Variants in TOX2 observed in about 807,000 individuals in gnomAD.
TOX2 encodes granulosa cell HMG box 1.
In TOX2, 15 loss-of-function variants were observed where a neutral mutation model predicts 47.4. That is an observed-to-expected ratio of 0.32 (90% CI 0.21 to 0.49). The LOEUF (loss-of-function observed/expected upper bound fraction) is 0.49, where lower values mean the gene tolerates loss of function less well. TOX2 is among the 20% of genes least tolerant of loss of function. TOX2 has a pLI of 0.99. For synonymous variants in TOX2, 290 were observed against 296.6 expected, an observed-to-expected ratio of 0.98 and a Z score of 0.23; for missense variants, 622 against 673.1, an observed-to-expected ratio of 0.92 and a Z score of 0.84.
At chr20:43,983,926 C>T (rs2070214913) in intron 2 of TOX2, among the ~76,000 whole-genome samples, 1 of 152,220 alleles carries the variant, frequency 6.6e-6, no homozygotes, top group African/African-American at 2.4e-5. Flanking sequence ...GTATTGGAGG[C>T]AGGCGACCCT....
intron 1 of TOX2, among the ~76,000 whole-genome samples, chr20:43,964,070 GA>G (rs1355231619): frequency 6.6e-6 from 1 of 150,620 alleles, no homozygotes; most frequent in African/African-American, 2.4e-5. Context: ...TTGCAGATGA[GA>G]AAACTGAGAC....
At position 43,915,058 on chromosome 20, in the gene TOX2, C is replaced by A; in HGVS notation, c.99+68C>A. 3.0e-6 allele frequency: 3 copies of A among 998,014 alleles called. No individual in the cohort carries two copies. Among genetic ancestry groups the A allele is most frequent in the Non-Finnish European group, 3.8e-6 (3 of 798,150 alleles). 61.8% of individuals were successfully genotyped at this position (998,014 alleles called of 1,614,324 possible). A position where few individuals can be genotyped will look rare whatever the true frequency, so the allele number is the denominator to read the frequency against. Reference sequence around the variant, plus strand: ...GTCACCTGGCAGCTCGGGACTCAGGCGCTCCCGGGGTCACACGGGGCCGCG... The same window carrying A: ...GTCACCTGGCAGCTCGGGACTCAGGAGCTCCCGGGGTCACACGGGGCCGCG... On this transcript the variant is annotated intron_variant, in intron 1 of 8. Transcript: ENST00000341197. The surrounding 1 kb of genome is among the most constrained non-coding windows in gnomAD (Gnocchi z 7.1).
intron 2 of TOX2, among the ~76,000 whole-genome samples, chr20:43,975,714 C>A (rs1007226839): frequency 1.1e-4 from 16 of 152,044 alleles, no homozygotes; most frequent in African/African-American, 3.9e-4. Flanking sequence ...GACAAAAATT[C>A]ATAATTTTTG....
intron 2 of TOX2, among the ~76,000 whole-genome samples, chr20:43,982,541 G>A (rs187358142): frequency 6.6e-6 from 1 of 152,170 alleles, no homozygotes; most frequent in East Asian, 1.9e-4. Flanking sequence ...AGAGTGGGAC[G>A]CTGGCTGGTG....
chr20:44,066,172 T>C, intron 7 of TOX2, 65 bp downstream of exon 7: 2 of 1,450,292 alleles, frequency 1.4e-6, no homozygotes. Flanking sequence ...GCTTTGCCCT[T>C]TCAAACCCTG....
At chr20:43,938,080 TTCAG>T (rs1007312797) in intron 1 of TOX2, among the ~76,000 whole-genome samples, 5 of 152,170 alleles carry the variant, frequency 3.3e-5, no homozygotes, top group African/African-American at 9.7e-5. Flanking sequence ...CCTCAGCACC[TTCAG>T]TCTAATGCTT....
At chr20:44,027,374 T>A (rs2071083055) in intron 3 of TOX2, among the ~76,000 whole-genome samples, 1 of 152,130 alleles carries the variant, frequency 6.6e-6, no homozygotes, top group South Asian at 2.1e-4. Flanking sequence ...CTGCCTGGGA[T>A]CCCTGAGCCA....
intron 4 of TOX2, among the ~76,000 whole-genome samples, chr20:44,053,487 C>T (rs1406090994): frequency 4.1e-5 from 6 of 146,630 alleles, no homozygotes; most frequent in African/African-American, 1.3e-4. Context: ...TATATACACA[C>T]ATATATATAC....
rs2069189126 is a variant in TOX2, at chr20:43,927,626, TCC to T, written c.99+12637_99+12638del. On this transcript the variant is annotated intron_variant, in intron 1 of 8. Coordinates refer to ENST00000341197, the MANE Select transcript of TOX2 (RefSeq NM_001098797.2). ...CTTCCTTCCTTCCTTCCTTCCTTCC[TCC>T]TTCCTTCCTTCCTCCCCTTCCCTTC... Among the ~76,000 whole-genome samples, 36 of 6,032 alleles carry T rather than the reference TCC, an allele frequency of 6.0e-3. 1 individual carries two copies. The highest frequency in any genetic ancestry group is 0.013 in the African/African-American group (27 of 2,048). 4.0% of individuals were successfully genotyped at this position (6,032 alleles called of 152,430 possible). A position where few individuals can be genotyped will look rare whatever the true frequency, so the allele number is the denominator to read the frequency against.
At chr20:43,928,810 T>C (rs1365407809) in intron 1 of TOX2, among the ~76,000 whole-genome samples, 4 of 152,054 alleles carry the variant, frequency 2.6e-5, no homozygotes, top group Non-Finnish European at 5.9e-5. Context: ...TTATGATGCG[T>C]AAATTGGATC....
chr20:43,943,429 G>A (rs759143969), intron 1 of TOX2, among the ~76,000 whole-genome samples: 1 of 152,140 alleles, frequency 6.6e-6, no homozygotes, highest in Non-Finnish European at 1.5e-5. Context: ...CTCAAACTCT[G>A]CCCCTTCTCC....
At chr20:43,987,912 C>CTTTTTTTTTTTTTTTTTTTT (rs762084312) in intron 2 of TOX2, among the ~76,000 whole-genome samples, 1 of 69,980 alleles carries the variant, frequency 1.4e-5, no homozygotes, top group Non-Finnish European at 2.5e-5. Flanking sequence ...ATATCAACAT[C>CTTTTTTTTTTTTTTTTTTTT]TTTTTTTTTT....
intron 3 of TOX2, among the ~76,000 whole-genome samples, chr20:44,012,250 CT>C: frequency 6.6e-6 from 1 of 152,254 alleles, no homozygotes; most frequent in South Asian, 2.1e-4. Context: ...TGGAGTCGTC[CT>C]TGGGAAATGT....
intron 3 of TOX2, among the ~76,000 whole-genome samples, chr20:44,044,165 A>T (rs1300056733): frequency 6.6e-6 from 1 of 152,152 alleles, no homozygotes. Flanking sequence ...TTCTTGGCAA[A>T]CTATCGCAAG....
chr20:43,998,322 C>G (rs2070514348), intron 2 of TOX2, among the ~76,000 whole-genome samples: 1 of 152,196 alleles, frequency 6.6e-6, no homozygotes, highest in Admixed American at 6.5e-5. Flanking sequence ...CAAAGCCTAT[C>G]AGTGTAGTTA....
At chr20:43,994,499 G>A (rs1044932775) in intron 2 of TOX2, among the ~76,000 whole-genome samples, 5 of 150,664 alleles carry the variant, frequency 3.3e-5, no homozygotes, top group Admixed American at 6.6e-5. Flanking sequence ...GGAAAACTGA[G>A]CTTCCTTATC....
intron 2 of TOX2, among the ~76,000 whole-genome samples, chr20:43,991,274 C>T (rs1051067862): frequency 1.4e-5 from 2 of 142,334 alleles, no homozygotes; most frequent in African/African-American, 2.8e-5. Flanking sequence ...CGTCACTGAG[C>T]GGGCTGCTTC....
intron 1 of TOX2, among the ~76,000 whole-genome samples, chr20:43,951,297 C>A (rs142338614): frequency 6.6e-6 from 1 of 152,040 alleles, no homozygotes; most frequent in African/African-American, 2.4e-5. Context: ...GTAGATAGGC[C>A]GGTGTGGTGG....
Position 44,026,248 on chromosome 20 carries a change from T to TATATATATATATATACACACACAC in TOX2, c.411+19457_411+19458insTATATATATATATACACACACACA, listed in dbSNP as rs750976068. ...ACTGTGATATATATATATATATATA[T>TATATATATATATATACACACACAC]AGACACACACACACACAATGGAATA... On this transcript the variant is annotated intron_variant, in intron 3 of 8. Transcript: ENST00000341197. 2.5e-4 allele frequency among the ~76,000 whole-genome samples: 17 copies of TATATATATATATATACACACACAC among 67,738 alleles called. 1 individual carries two copies. The highest frequency in any genetic ancestry group is 1.2e-3 in the African/African-American group (17 of 13,850). 44.4% of individuals were successfully genotyped at this position (67,738 alleles called of 152,430 possible).
Sources: allele counts gnomAD v4.1 joint callset (sites outside exome capture counted in the v4.1 genomes callset), GRCh38; gene constraint gnomAD v4.1.1; non-coding constraint Gnocchi (gnomAD v3.1); transcripts MANE v1.5; gene names NCBI Gene and HGNC (gene_info 2026-07-23, HGNC 2026-07-21).